STX3: variants seen among roughly 807,000 people sequenced by gnomAD.
STX3 encodes the protein syntaxin 3.
STX3 carries 19 observed loss-of-function variants against 40.2 expected under a neutral mutation model. The observed-to-expected ratio is 0.47, with a 90% confidence interval of 0.33 to 0.69. The LOEUF (loss-of-function observed/expected upper bound fraction) is 0.69. Among genes scored for constraint, STX3 ranks in the 30% least tolerant of loss-of-function variants. The pLI is 0.02. For synonymous variants in STX3, 122 were observed against 132.2 expected (o/e 0.92, Z 0.53); for missense variants, 364 against 366.7 (o/e 0.99, Z 0.06).
At chr11:59,795,808 C>T (rs533587960) in intron 9 of STX3, 1 of 1,088,350 alleles carries the variant, frequency 9.2e-7, no homozygotes, top group South Asian at 1.4e-5. Flanking sequence ...GCCCATGCCT[C>T]CCTCCCTGTC....
chr11:59,797,305 T>TA lies in STX3; in HGVS notation c.810dup (p.Val271SerfsTer24). ...CAGAAATTGATAATTATCATTGTGC[T>TA]AGTAGTTGTGTTGCTGGGCATTTTA... On this transcript the variant is annotated frameshift_variant, in exon 10 of 11. Coordinates refer to ENST00000337979, the MANE Select transcript of STX3 (RefSeq NM_004177.5). LOFTEE classifies it high-confidence loss of function. 4 of 1,613,964 alleles carry TA rather than the reference T, an allele frequency of 2.5e-6. No homozygotes were observed. The highest frequency in any genetic ancestry group is 3.4e-6 in the Non-Finnish European group (4 of 1,179,812).
intron 2 of STX3, among the ~76,000 whole-genome samples, chr11:59,779,453 A>G (rs1041042280): frequency 6.6e-6 from 1 of 152,176 alleles, no homozygotes. Flanking sequence ...ATCTCCCTCT[A>G]AGTACCATCC....
At chr11:59,787,221 C>G in intron 3 of STX3, 85 bp downstream of exon 3, 1 of 1,207,994 alleles carries the variant, frequency 8.3e-7, no homozygotes, top group African/African-American at 1.5e-5. Context: ...CCTTCGTGAG[C>G]AGTAGGGAAG....
At chr11:59,786,198 A>G (rs1278338574) in intron 2 of STX3, among the ~76,000 whole-genome samples, 1 of 150,018 alleles carries the variant, frequency 6.7e-6, no homozygotes, top group Admixed American at 6.6e-5. Context: ...ATTGCCTAGT[A>G]TCTCTCTTTT....
chr11:59,787,462 A>G lies in STX3; in HGVS notation c.214+326A>G, dbSNP rs141284281. 7.6e-3 allele frequency among the ~76,000 whole-genome samples: 1,153 copies of G among 152,016 alleles called. 5 individuals are homozygous for G. Among genetic ancestry groups the G allele is most frequent in the South Asian group, 0.022 (108 of 4,816 alleles). ...CCTCCTCTGAGCCTCTGCGTGTACT[A>G]TTTCCCCAGCCTGAACTGCTTTTCC... On this transcript the variant is annotated intron_variant, in intron 3 of 10. Coordinates refer to ENST00000337979, the MANE Select transcript of STX3 (RefSeq NM_004177.5).
intron 2 of STX3, among the ~76,000 whole-genome samples, chr11:59,778,640 AAT>A (rs1682854452): frequency 6.6e-6 from 1 of 152,162 alleles, no homozygotes; most frequent in African/African-American, 2.4e-5. Flanking sequence ...TCTGTGATCA[AAT>A]ATGTTTGAGA....
chr11:59,777,650 C>T (rs1333665899), intron 2 of STX3, among the ~76,000 whole-genome samples: 1 of 152,090 alleles, frequency 6.6e-6, no homozygotes, highest in Non-Finnish European at 1.5e-5. Context: ...AGGGATGGTG[C>T]CGTTTAAAGG....
chr11:59,788,333 G>C (rs575363583), intron 3 of STX3, among the ~76,000 whole-genome samples: 1 of 152,328 alleles, frequency 6.6e-6, no homozygotes, highest in African/African-American at 2.4e-5. Flanking sequence ...TCTTCTTTCT[G>C]ATTCCATAGT....
chr11:59,762,228 C>T (rs1183689136), intron 1 of STX3, among the ~76,000 whole-genome samples: 3 of 152,240 alleles, frequency 2.0e-5, no homozygotes, highest in Non-Finnish European at 4.4e-5. Context: ...GTGCTACATG[C>T]TACAGCTAGG....
chr11:59,789,960 C>G (rs1048280945), intron 4 of STX3, among the ~76,000 whole-genome samples: 2 of 151,972 alleles, frequency 1.3e-5, no homozygotes, highest in African/African-American at 4.8e-5. Flanking sequence ...GCATTCTTGC[C>G]CAGTGTATTT....
chr11:59,797,160 C>G, intron 9 of STX3, 123 bp from the exon 10 acceptor site: 1 of 679,826 alleles, frequency 1.5e-6, no homozygotes, highest in Non-Finnish European at 2.6e-6. Context: ...GAGATGTAGG[C>G]CTCTTACTCA....
intron 1 of STX3, among the ~76,000 whole-genome samples, chr11:59,764,201 C>T (rs556355191): frequency 3.3e-5 from 5 of 152,278 alleles, no homozygotes; most frequent in African/African-American, 1.2e-4. Context: ...CCTGAGACAT[C>T]TAGTGTCACC....
chr11:59,769,209 A>G (rs1025644920), intron 1 of STX3, among the ~76,000 whole-genome samples: 1 of 152,110 alleles, frequency 6.6e-6, no homozygotes, highest in African/African-American at 2.4e-5. Flanking sequence ...CCTGGCCATT[A>G]TGTTGCCATG....
At chr11:59,795,753 T>C in intron 9 of STX3, 1 of 1,509,426 alleles carries the variant, frequency 6.6e-7, no homozygotes, top group Non-Finnish European at 8.9e-7. Flanking sequence ...CTCAGCTGTC[T>C]TACTAGTATC....
chr11:59,802,536 A>T lies in STX3; in HGVS notation c.*1712A>T, dbSNP rs1014575085. 2.0e-6 allele frequency: 2 copies of T among 985,754 alleles called. No individual in the cohort carries two copies. The highest frequency in any genetic ancestry group is 1.2e-4 in the Admixed American group (2 of 16,268). 61.1% of individuals were successfully genotyped at this position (985,754 alleles called of 1,614,324 possible). On this transcript the variant is annotated 3_prime_UTR_variant, in exon 11 of 11. Transcript: ENST00000337979. ...CAGACAGTGGATGGGCTCCAGCAAC[A>T]AGAGACAAAATAACTAAAGGCCTTT... is the stretch of plus-strand genomic sequence containing the variant.
chr11:59,778,407 G>A (rs1319171086), intron 2 of STX3, among the ~76,000 whole-genome samples: 1 of 152,150 alleles, frequency 6.6e-6, no homozygotes, highest in African/African-American at 2.4e-5. Context: ...GGCCTCCTTA[G>A]CTGGAAGGGA....
Position 59,755,553 on chromosome 11 carries a change from G to A in STX3, c.-53G>A. 6.3e-7 allele frequency: 1 copy of A among 1,578,986 alleles called. No homozygotes were observed. Among genetic ancestry groups the A allele is most frequent in the East Asian group, 2.3e-5 (1 of 42,862 alleles). ...CAGCTCACCTGGGAAGCGCTCACCT[G>A]GGACGCGCTCACCTGGGACGCGCTA... On this transcript the variant is annotated 5_prime_UTR_variant, in exon 1 of 11. Coordinates refer to ENST00000337979, the MANE Select transcript of STX3 (RefSeq NM_004177.5).
chr11:59,755,142 G>A (rs181815631), upstream of STX3: 220 of 155,020 alleles, frequency 1.4e-3, no homozygotes, highest in Non-Finnish European at 2.4e-3. Flanking sequence ...ACCGCAGCCA[G>A]ACAGTCGCTC....
chr11:59,785,634 C>T (rs370607722), intron 2 of STX3, among the ~76,000 whole-genome samples: 8 of 152,054 alleles, frequency 5.3e-5, no homozygotes, highest in African/African-American at 1.7e-4. Flanking sequence ...CCTGGCCTCT[C>T]CTATTTTCTA....
Sources: allele counts gnomAD v4.1 joint callset (sites outside exome capture counted in the v4.1 genomes callset), GRCh38; gene constraint gnomAD v4.1.1; transcripts MANE v1.5; gene names NCBI Gene and HGNC (gene_info 2026-07-23, HGNC 2026-07-21).